The following COL27A1 variants were observed in gnomAD, a reference collection of about 807,000 sequenced individuals.
COL27A1 encodes the protein collagen alpha-1(XXVII) chain.
In COL27A1, 106 loss-of-function variants were observed where a neutral mutation model predicts 251.3. The observed-to-expected ratio is 0.42, with a 90% CI of 0.36 to 0.50. COL27A1 has a LOEUF of 0.50. Among genes scored for constraint, COL27A1 ranks in the 20% least tolerant of loss-of-function variants. The pLI is 0.00. For synonymous variants in COL27A1, 1,000 were observed against 986.3 expected (o/e 1.01, Z -0.26); for missense variants, 2,325 against 2,522.8 (o/e 0.92, Z 1.68).
rs141452198 is a variant in COL27A1 at position 114,288,735 on chromosome 9, C to A, written c.4078C>A (p.Pro1360Thr). 1.8e-4 allele frequency: 285 copies of A among 1,610,744 alleles called. No individual in the cohort carries two copies. Among genetic ancestry groups the A allele is most frequent in the Non-Finnish European group, 2.3e-4 (267 of 1,177,486 alleles). ...PVGDRGDRGE[P>T]GDPGYPGQEG... ...GGGTGATCGAGGAGACCGCGGGGAACCGGGAGACCCTGGGTACCCTGTAAG... is the reference window on the plus strand; with the variant it reads ...GGGTGATCGAGGAGACCGCGGGGAAACGGGAGACCCTGGGTACCCTGTAAG... Residue 1360 changes from proline (P) to threonine (T), a missense_variant, in exon 43 of 61, where the codon CCG (proline) becomes ACG (threonine). By Grantham distance (38) the Pro-to-Thr change is conservative. Around this residue, in one of 4 missense-constraint regions of COL27A1, gnomAD observed 662 missense variants for 795.3 expected, o/e 0.83. Transcript: ENST00000356083.
chr9:114,290,825 G>T lies in COL27A1; in HGVS notation c.4384G>T (p.Asp1462Tyr). The change falls in exon 48 of 61, where the codon GAT (aspartate) becomes TAT (tyrosine). Residue 1462 changes from aspartate to tyrosine, a missense_variant. Physicochemically the swap from Asp to Tyr is radical, Grantham distance 160 (BLOSUM62 -3). Transcript: ENST00000356083. The surrounding 1 kb of genome is among the most constrained non-coding windows in gnomAD (Gnocchi z 4.6). ...TTCTTAACAGGGGGAGCAGGGAGAC[G>T]ATGGGGACCCTGGCCCCATGGGCCC... ...QAGQQGEQGDDGDPGPMGPAG... is the reference protein window; with the variant it reads ...QAGQQGEQGDYGDPGPMGPAG... 1 of 1,549,928 alleles carries T rather than the reference G, an allele frequency of 6.5e-7. No individual in the cohort carries two copies. The highest frequency in any genetic ancestry group is 1.2e-5 in the South Asian group (1 of 83,980).
intron 58 of COL27A1, chr9:114,306,903 T>C: frequency 3.6e-6 from 2 of 562,206 alleles, no homozygotes; most frequent in Non-Finnish European, 6.1e-6. Context: ...ACAAGAGCTC[T>C]GGCAGAAAAA....
intron 3 of COL27A1, 56 bp from the exon 4 acceptor site, chr9:114,178,235 C>T: frequency 6.9e-7 from 1 of 1,442,864 alleles, no homozygotes; most frequent in Non-Finnish European, 9.8e-7. Flanking sequence ...CTGCTTGAGC[C>T]CATTCTCTGC....
intron 37 of COL27A1, among the ~76,000 whole-genome samples, chr9:114,281,775 A>G (rs886895909): frequency 4.6e-5 from 7 of 152,210 alleles, no homozygotes; most frequent in African/African-American, 1.7e-4. Context: ...AGGGCCTGCA[A>G]GGCGCAGCTG....
chr9:114,254,357 AG>A (rs1833777906), intron 27 of COL27A1, among the ~76,000 whole-genome samples: 1 of 103,434 alleles, frequency 9.7e-6, no homozygotes, highest in Non-Finnish European at 1.8e-5. Flanking sequence ...TCTCCTTCCC[AG>A]GGGTGATGAT....
At chr9:114,204,403 C>T (rs1829796072) in intron 7 of COL27A1, among the ~76,000 whole-genome samples, 1 of 152,162 alleles carries the variant, frequency 6.6e-6, no homozygotes, top group Non-Finnish European at 1.5e-5. Flanking sequence ...CTGGTGCCAC[C>T]TGAAAGCACA....
chr9:114,265,897 C>T (rs767382126), intron 32 of COL27A1, among the ~76,000 whole-genome samples: 16 of 152,162 alleles, frequency 1.1e-4, no homozygotes, highest in Non-Finnish European at 2.2e-4. Flanking sequence ...AGGCTCCAGT[C>T]GCCCAAGGCC....
rs560712917 is a variant in COL27A1, at chr9:114,240,468, G to A, written c.2816G>A (p.Arg939His). ...KPGARGLPGP[R>H]GQLGPEGDEG... ...GGAGCCCGAGGCCTGCCGGGACCCC[G>A]TGGGCAGCTGGGGCCCGAGGTGAGA... Residue 939 changes from arginine to histidine, a missense_variant, in exon 21 of 61, where the codon CGT becomes CAT. By Grantham distance (29) the Arg-to-His change is conservative. Around this residue, in one of 4 missense-constraint regions of COL27A1, gnomAD observed 662 missense variants for 795.3 expected, o/e 0.83. Coordinates refer to ENST00000356083, the MANE Select transcript of COL27A1 (RefSeq NM_032888.4). 49 of 1,612,064 alleles carry A rather than the reference G, an allele frequency of 3.0e-5. No individual in the cohort carries two copies. The highest frequency in any genetic ancestry group is 2.0e-4 in the East Asian group (9 of 44,874).
chr9:114,300,657 C>A lies in COL27A1; in HGVS notation c.4671C>A (p.Ile1557=). 6.6e-7 allele frequency: 1 copy of A among 1,521,334 alleles called. No individual in the cohort carries two copies. The highest frequency in any genetic ancestry group is 8.8e-7 in the Non-Finnish European group (1 of 1,137,822). The allele number at this position is 1,521,334 out of a possible 1,614,324, so 94.2% of individuals were successfully genotyped here. The change falls in exon 51 of 61, where the codon ATC becomes ATA. Residue 1557 remains isoleucine (I), a synonymous_variant. Transcript: ENST00000356083. The part of the protein sequence containing the change: ...GPPGDIGFKG[I]QGPRGPPGLM... Reference sequence around the variant, plus strand: ...CTGGAGACATTGGCTTCAAAGGCATCCAGGGCCCTCGGGGGCCACCTGGCT... The same window carrying A: ...CTGGAGACATTGGCTTCAAAGGCATACAGGGCCCTCGGGGGCCACCTGGCT...
chr9:114,242,758 A>G (rs983328360), intron 22 of COL27A1, among the ~76,000 whole-genome samples: 1 of 152,278 alleles, frequency 6.6e-6, no homozygotes, highest in Admixed American at 6.5e-5. Flanking sequence ...GGTTACACCT[A>G]CTGAGATTAG....
In COL27A1 at chr9:114,292,155, A is replaced by C; in HGVS notation, c.4529A>C (p.Glu1510Ala). The change falls in exon 49 of 61, where the codon GAG becomes GCG. Residue 1510 changes from glutamate (E) to alanine (A), a missense_variant. By Grantham distance (107) the Glu-to-Ala change is moderately radical. This residue lies in a region of COL27A1 where 153 missense variants were observed against 140.7 expected (regional missense o/e 1.09). Coordinates refer to ENST00000356083, the MANE Select transcript of COL27A1 (RefSeq NM_032888.4). ...GGTCCCCCTGGCAAGCGAGGAACAG[A>C]GGGCAGAACGGGGCTCCCTGGAAAC... ...QLGPPGKRGT[E>A]GRTGLPGNQG... The C allele has an allele frequency of 6.4e-7, 1 of 1,562,390 alleles. No homozygotes were observed. The highest frequency in any genetic ancestry group is 8.7e-7 in the Non-Finnish European group (1 of 1,153,094).
chr9:114,257,004 G>A (rs956328326), intron 27 of COL27A1, among the ~76,000 whole-genome samples: 14 of 152,262 alleles, frequency 9.2e-5, no homozygotes, highest in African/African-American at 4.8e-5. Context: ...GGCCAAGCCC[G>A]GGTCCACACC....
intron 6 of COL27A1, among the ~76,000 whole-genome samples, chr9:114,195,195 C>T (rs531555194): frequency 1.5e-4 from 23 of 152,220 alleles, no homozygotes; most frequent in Non-Finnish European, 2.5e-4. Flanking sequence ...CACTGCTTCT[C>T]AGCCCAGCCT....
intron 40 of COL27A1, among the ~76,000 whole-genome samples, chr9:114,284,469 C>T (rs1827318140): frequency 6.6e-6 from 1 of 152,174 alleles, no homozygotes; most frequent in South Asian, 2.1e-4. Context: ...TCTCCCGAGT[C>T]ACCCTTCCAG....
intron 2 of COL27A1, 78 bp downstream of exon 2, chr9:114,162,863 C>A: frequency 1.0e-6 from 1 of 1,001,410 alleles, no homozygotes; most frequent in Non-Finnish European, 1.5e-6. Context: ...TAGGAGACAG[C>A]CGTGCCTGTA....
At position 114,289,287 on chromosome 9, in the gene COL27A1, G is replaced by C. The variant is rs1227273921; in HGVS notation, c.4198G>C (p.Gly1400Arg). 1 of 1,589,896 alleles carries C rather than the reference G, an allele frequency of 6.3e-7. No homozygotes were observed. Among genetic ancestry groups the C allele is most frequent in the Non-Finnish European group, 8.5e-7 (1 of 1,170,926 alleles). The change falls in exon 45 of 61, where the codon GGC becomes CGC. Residue 1400 changes from glycine (G) to arginine (R), a missense_variant. By Grantham distance (125) the Gly-to-Arg change is moderately radical. Coordinates refer to ENST00000356083, the MANE Select transcript of COL27A1 (RefSeq NM_032888.4). ...RGWPGPKGSK[G>R]AEGPKGKQGK... ...GTGGCCGGGACCCAAAGGATCGAAA[G>C]GCGCAGAGGTAAGAGGGCCGGGGGT...
Position 114,300,531 on chromosome 9 carries a change from G to A in COL27A1, c.4639-94G>A. 4 of 1,009,816 alleles carry A rather than the reference G, an allele frequency of 4.0e-6. No homozygotes were observed. The South Asian group carries it at 7.0e-5, about 18-fold the overall frequency. The allele number at this position is 1,009,816 out of a possible 1,614,324, so 62.6% of individuals were successfully genotyped here. A position where few individuals can be genotyped will look rare whatever the true frequency, so the allele number is the denominator to read the frequency against. On this transcript the variant is annotated intron_variant, in intron 50 of 60. Transcript: ENST00000356083. ...GGTAAGGCCTCTCTTGACAAGAAGGGCAAAGGTTGACAGACCCCAGGGGTG... is the reference window on the plus strand; with the variant it reads ...GGTAAGGCCTCTCTTGACAAGAAGGACAAAGGTTGACAGACCCCAGGGGTG...
chr9:114,255,026 G>C (rs1264949748), intron 27 of COL27A1, among the ~76,000 whole-genome samples: 1 of 152,202 alleles, frequency 6.6e-6, no homozygotes, highest in Admixed American at 6.5e-5. Context: ...AGCACCAGGG[G>C]TCTCTGTCCA....
rs776361207 is a variant in COL27A1 at position 114,307,627 on chromosome 9, C to A, written c.5108-42C>A. 6.6e-6 allele frequency: 9 copies of A among 1,369,196 alleles called. No homozygotes were observed. In the African/African-American group the frequency reaches 1.0e-4, roughly 15 times the overall value. 84.8% of individuals were successfully genotyped at this position (1,369,196 alleles called of 1,614,324 possible). A position where few individuals can be genotyped will look rare whatever the true frequency, so the allele number is the denominator to read the frequency against. On this transcript the variant is annotated intron_variant, in intron 58 of 60. Coordinates refer to ENST00000356083, the MANE Select transcript of COL27A1 (RefSeq NM_032888.4). ...CTACAGAACCAAGGAATGGGCTCAT[C>A]CCCCAGATACATACATCACCTCCAT...
Sources: gnomAD v4.1 joint callset for allele counts (sites outside exome capture counted in the v4.1 genomes callset) on GRCh38, gnomAD v4.1.1 for gene constraint, gnomAD v4.1.1 regional missense constraint, Gnocchi (gnomAD v3.1) non-coding constraint, MANE v1.5 for transcripts, NCBI Gene and HGNC (gene_info 2026-07-23, HGNC 2026-07-21) for gene names.